Variants in CMSS1 observed in about 807,000 individuals in gnomAD.
CMSS1 encodes cms1 ribosomal small subunit homolog.
Under a neutral mutation model 43.5 loss-of-function variants are expected in CMSS1, and 33 were observed. That is an observed-to-expected ratio of 0.76 (90% confidence interval 0.57 to 1.01). The LOEUF (loss-of-function observed/expected upper bound fraction) is 1.01. Ranked by LOEUF, CMSS1 falls within the 50% of genes least tolerant of loss-of-function variation. The pLI, the probability that CMSS1 is intolerant of heterozygous loss-of-function variation, is 0.00. For synonymous variants in CMSS1, 115 were observed against 117.2 expected, an observed-to-expected ratio of 0.98 and a Z score of 0.12; for missense variants, 313 against 326.4, an observed-to-expected ratio of 0.96 and a Z score of 0.32.
chr3:100,165,797 A>G (rs2067061184), intron 4 of CMSS1, among the ~76,000 whole-genome samples: 2 of 152,210 alleles, frequency 1.3e-5, no homozygotes, highest in South Asian at 4.1e-4. Context: ...ATTATAGGGT[A>G]TATACATATT....
intron 1 of CMSS1, among the ~76,000 whole-genome samples, chr3:100,079,943 T>C (rs1576030842): frequency 6.6e-6 from 1 of 152,162 alleles, no homozygotes; most frequent in East Asian, 1.9e-4. Context: ...ATGTCATCTC[T>C]AACAAAGGTT....
At chr3:99,979,171 A>G (rs997031274) in intron 1 of CMSS1, among the ~76,000 whole-genome samples, 9 of 152,364 alleles carry the variant, frequency 5.9e-5, no homozygotes, top group African/African-American at 1.4e-4. Context: ...CTGTATACCT[A>G]TATCAGAATA....
chr3:100,030,569 G>A (rs1273919060), intron 1 of CMSS1, among the ~76,000 whole-genome samples: 1 of 152,098 alleles, frequency 6.6e-6, no homozygotes, highest in Non-Finnish European at 1.5e-5. Context: ...TTCCAAAGTT[G>A]CTTAGTAATG....
chr3:100,175,837 G>A (rs889326245), intron 8 of CMSS1, among the ~76,000 whole-genome samples: 6 of 152,112 alleles, frequency 3.9e-5, no homozygotes, highest in Admixed American at 2.0e-4. Flanking sequence ...CAACCTCATC[G>A]AAGGATAGCT....
chr3:100,031,200 A>G (rs2065016517), intron 1 of CMSS1, among the ~76,000 whole-genome samples: 1 of 152,176 alleles, frequency 6.6e-6, no homozygotes, highest in Admixed American at 6.5e-5. Flanking sequence ...AAAACAAGTG[A>G]TTCAGTCTCA....
At chr3:99,880,523 A>G (rs1267990088) in intron 1 of CMSS1, among the ~76,000 whole-genome samples, 2 of 152,174 alleles carry the variant, frequency 1.3e-5, no homozygotes, top group East Asian at 3.8e-4. Flanking sequence ...ACTTCAGCTG[A>G]CTATGACTCT....
At chr3:100,163,522 T>C (rs1323171442) in intron 4 of CMSS1, among the ~76,000 whole-genome samples, 1 of 152,178 alleles carries the variant, frequency 6.6e-6, no homozygotes, top group Non-Finnish European at 1.5e-5. Flanking sequence ...TTTAAACAGC[T>C]AATTTTTTAA....
intron 1 of CMSS1, among the ~76,000 whole-genome samples, chr3:100,014,543 G>C (rs768794807): frequency 6.6e-5 from 10 of 152,078 alleles, no homozygotes; most frequent in Non-Finnish European, 1.5e-4. Context: ...TAACAGATGT[G>C]AGGTGATATC....
At chr3:99,922,439 C>A (rs538647262) in intron 1 of CMSS1, among the ~76,000 whole-genome samples, 1 of 152,126 alleles carries the variant, frequency 6.6e-6, no homozygotes, top group African/African-American at 2.4e-5. Context: ...TCCCCTGCCC[C>A]CTCTCTGCCG....
At chr3:99,832,424 G>T (rs1312747834) in intron 1 of CMSS1, among the ~76,000 whole-genome samples, 1 of 149,250 alleles carries the variant, frequency 6.7e-6, no homozygotes, top group Non-Finnish European at 1.5e-5. Flanking sequence ...TAGAGACGGG[G>T]TTTCACTGTG....
chr3:100,066,517 C>CTTT (rs545356638), intron 1 of CMSS1, among the ~76,000 whole-genome samples: 507 of 38,384 alleles, frequency 0.013, 1 homozygote, highest in African/African-American at 0.017. Flanking sequence ...GGCTTTGCTT[C>CTTT]TTTTTTTTTT....
chr3:99,977,391 CAAAGT>C (rs1709002949), intron 1 of CMSS1, among the ~76,000 whole-genome samples: 1 of 152,008 alleles, frequency 6.6e-6, no homozygotes, highest in Admixed American at 6.6e-5. Context: ...AGCAGGGAAA[CAAAGT>C]AAGAGTATTT....
At position 99,910,145 on chromosome 3, in the gene CMSS1, G is replaced by A. The variant is rs1464845045; in HGVS notation, c.64+92102G>A. Among the ~76,000 whole-genome samples the A allele has an allele frequency of 5.9e-5, 8 of 136,218 alleles. 2 individuals are homozygous for A. Among genetic ancestry groups the A allele is most frequent in the Admixed American group, 1.6e-4 (2 of 12,768 alleles). The allele number at this position is 136,218 out of a possible 152,430, so 89.4% of individuals were successfully genotyped here. On this transcript the variant is annotated intron_variant, in intron 1 of 9. Transcript: ENST00000421999. ...AATTCTTAATAGAGTTGGTTTATAC[G>A]TAATTTCTATTCTTTGACTTACAAG...
intron 1 of CMSS1, among the ~76,000 whole-genome samples, chr3:99,866,613 G>A (rs547139824): frequency 2.0e-5 from 3 of 152,280 alleles, no homozygotes; most frequent in African/African-American, 7.2e-5. Flanking sequence ...ACATTTAAGA[G>A]TACTTAGAGG....
chr3:100,055,376 G>A (rs1440852789), intron 1 of CMSS1, among the ~76,000 whole-genome samples: 1 of 152,142 alleles, frequency 6.6e-6, no homozygotes. Context: ...CAAGGTGACT[G>A]TATGATCCAC....
chr3:100,167,256 A>G (rs2067073003), intron 5 of CMSS1, among the ~76,000 whole-genome samples: 1 of 152,230 alleles, frequency 6.6e-6, no homozygotes, highest in Non-Finnish European at 1.5e-5. Flanking sequence ...TAATAGAATC[A>G]AACTCACTAG....
At chr3:100,080,027 T>A (rs1285710840) in intron 1 of CMSS1, among the ~76,000 whole-genome samples, 1 of 152,158 alleles carries the variant, frequency 6.6e-6, no homozygotes, top group Non-Finnish European at 1.5e-5. Context: ...ATATGAGAAA[T>A]TAAATGCTTC....
chr3:100,049,378 A>G (rs1287173078), intron 1 of CMSS1, among the ~76,000 whole-genome samples: 1 of 152,178 alleles, frequency 6.6e-6, no homozygotes, highest in Non-Finnish European at 1.5e-5. Flanking sequence ...TGAAGGATTA[A>G]TTTGGGGAGA....
intron 1 of CMSS1, among the ~76,000 whole-genome samples, chr3:100,116,803 T>G (rs564061546): frequency 6.6e-6 from 1 of 152,224 alleles, no homozygotes; most frequent in East Asian, 1.9e-4. Flanking sequence ...AGAATACTTA[T>G]GTATTTGCTC....
Sources: allele counts gnomAD v4.1 joint callset (sites outside exome capture counted in the v4.1 genomes callset), GRCh38; gene constraint gnomAD v4.1.1; transcripts MANE v1.5; gene names NCBI Gene and HGNC (gene_info 2026-07-23, HGNC 2026-07-21).